NDUFAF2: variants seen among roughly 807,000 people sequenced by gnomAD.
NDUFAF2 encodes NADH:ubiquinone oxidoreductase complex assembly factor 2.
In NDUFAF2, 13 loss-of-function variants were observed where a neutral mutation model predicts 22.8. That is an observed-to-expected ratio of 0.57 (90% CI 0.37 to 0.91). The LOEUF is 0.91. NDUFAF2 is among the 40% of genes least tolerant of loss of function. NDUFAF2 has a pLI of 0.01. For synonymous variants in NDUFAF2, 53 were observed against 64.2 expected, an observed-to-expected ratio of 0.83 and a Z score of 0.84; for missense variants, 162 against 195.2, an observed-to-expected ratio of 0.83 and a Z score of 1.01.
intron 2 of NDUFAF2, among the ~76,000 whole-genome samples, chr5:61,096,450 T>A (rs1185437269): frequency 2.6e-5 from 4 of 151,586 alleles, no homozygotes; most frequent in Admixed American, 6.6e-5. Context: ...AATACAAAAA[T>A]TAGCTGGGCG....
At chr5:61,109,212 G>A (rs1752805338) in intron 3 of NDUFAF2, among the ~76,000 whole-genome samples, 2 of 152,164 alleles carry the variant, frequency 1.3e-5, no homozygotes, top group Non-Finnish European at 2.9e-5. Flanking sequence ...AGTTTTGTTT[G>A]TAGCTATTGT....
intron 1 of NDUFAF2, among the ~76,000 whole-genome samples, chr5:61,012,585 C>G (rs1434635611): frequency 6.6e-6 from 1 of 151,698 alleles, no homozygotes; most frequent in East Asian, 1.9e-4. Flanking sequence ...TTCCAAAATT[C>G]TGCTTAGTGT....
Position 61,023,469 on chromosome 5 carries a change from T to C in NDUFAF2, c.128-49656T>C, listed in dbSNP as rs1004880717. On this transcript the variant is annotated intron_variant, in intron 1 of 3. Coordinates refer to ENST00000296597, the MANE Select transcript of NDUFAF2 (RefSeq NM_174889.5). ...TCGTGATGGTTTCTTCAATTTATAA[T>C]TTTTTATTATGAGCTCATCTTTACT... Among the ~76,000 whole-genome samples, 4 of 152,152 alleles carry C rather than the reference T, an allele frequency of 2.6e-5. No individual in the cohort carries two copies. In the South Asian group the frequency reaches 8.3e-4, roughly 31 times the overall value.
At chr5:61,079,832 C>T (rs948212998) in intron 2 of NDUFAF2, among the ~76,000 whole-genome samples, 1 of 152,184 alleles carries the variant, frequency 6.6e-6, no homozygotes, top group African/African-American at 2.4e-5. Context: ...AGACTCCCAG[C>T]TCCATCTTCT....
chr5:60,945,486 T>A, intron 1 of NDUFAF2, 104 bp downstream of exon 1: 1 of 1,491,550 alleles, frequency 6.7e-7, no homozygotes, highest in Non-Finnish European at 9.3e-7. Context: ...ATGCGACACT[T>A]AGGGTGTCAC....
At chr5:60,986,651 C>G (rs1238640077) in intron 1 of NDUFAF2, among the ~76,000 whole-genome samples, 2 of 151,968 alleles carry the variant, frequency 1.3e-5, no homozygotes, top group African/African-American at 4.8e-5. Context: ...GAAAAACTGG[C>G]CAGGCATGGT....
At chr5:61,074,458 G>A (rs913177612) in intron 2 of NDUFAF2, among the ~76,000 whole-genome samples, 13 of 151,986 alleles carry the variant, frequency 8.6e-5, no homozygotes, top group Non-Finnish European at 1.8e-4. Flanking sequence ...ATGGTGGCAC[G>A]TGCCTGTAGT....
intron 1 of NDUFAF2, among the ~76,000 whole-genome samples, chr5:61,037,440 A>G (rs922155029): frequency 1.3e-5 from 2 of 152,190 alleles, no homozygotes; most frequent in African/African-American, 4.8e-5. Context: ...ATTTGAGGTC[A>G]TACTTTAGAA....
Position 60,990,396 on chromosome 5 carries a change from C to G in NDUFAF2, c.127+45014C>G, listed in dbSNP as rs1444198778. Among the ~76,000 whole-genome samples the G allele has an allele frequency of 2.6e-5, 4 of 151,570 alleles. No individual in the cohort carries two copies. The East Asian group carries it at 7.7e-4, about 29-fold the overall frequency. Reference sequence around the variant, plus strand: ...ATATGCCTGTATCAAAATATGTACCCCATAAATATATACACTTACTATGTA... The same window carrying G: ...ATATGCCTGTATCAAAATATGTACCGCATAAATATATACACTTACTATGTA... On this transcript the variant is annotated intron_variant, in intron 1 of 3. Transcript: ENST00000296597.
chr5:61,105,651 A>G lies in NDUFAF2; in HGVS notation c.258+6619A>G, dbSNP rs570070728. Among the ~76,000 whole-genome samples, 12 of 149,196 alleles carry G rather than the reference A, an allele frequency of 8.0e-5. No homozygotes were observed. The East Asian group carries it at 1.6e-3, about 19-fold the overall frequency. Reference sequence around the variant, plus strand: ...GAGCAAAAAAAAAAAAAAAGCAGCTACAGAAGATGTCATACAATATACCAT... The same window carrying G: ...GAGCAAAAAAAAAAAAAAAGCAGCTGCAGAAGATGTCATACAATATACCAT... On this transcript the variant is annotated intron_variant, in intron 3 of 3. Transcript: ENST00000296597.
At chr5:60,977,095 TA>T (rs1247701606) in intron 1 of NDUFAF2, among the ~76,000 whole-genome samples, 24 of 152,104 alleles carry the variant, frequency 1.6e-4, no homozygotes, top group African/African-American at 5.5e-4. Flanking sequence ...TGAGCAATAT[TA>T]AAAATTAATA....
chr5:61,002,661 T>A (rs1425189471), intron 1 of NDUFAF2, among the ~76,000 whole-genome samples: 1 of 152,186 alleles, frequency 6.6e-6, no homozygotes, highest in East Asian at 1.9e-4. Flanking sequence ...GATACAATGA[T>A]GCCAATATAA....
intron 2 of NDUFAF2, chr5:61,083,375 C>G (rs575386584): frequency 6.6e-6 from 1 of 152,004 alleles, no homozygotes; most frequent in Non-Finnish European, 1.5e-5. Context: ...GCCAGTTATC[C>G]CAGCACCATT....
intron 1 of NDUFAF2, among the ~76,000 whole-genome samples, chr5:60,954,971 ATT>A (rs1750596884): frequency 6.6e-6 from 1 of 152,110 alleles, no homozygotes; most frequent in Non-Finnish European, 1.5e-5. Flanking sequence ...TCACTGATAC[ATT>A]TTGGTTTTTA....
At position 61,045,072 on chromosome 5, in the gene NDUFAF2, T is replaced by TTAAATTTTAATAAAATAAAA. The variant is rs1258528445; in HGVS notation, c.128-28049_128-28048insTTTTAATAAAATAAAATAAA. On this transcript the variant is annotated intron_variant, in intron 1 of 3. Coordinates refer to ENST00000296597, the MANE Select transcript of NDUFAF2 (RefSeq NM_174889.5). ...TTTAATAAAGTAAAATAAAGTTTTATTAAAATTTAATAAAATAAAATAAAG... is the reference window on the plus strand; with the variant it reads ...TTTAATAAAGTAAAATAAAGTTTTATTAAATTTTAATAAAATAAAATAAAATTTAATAAAATAAAATAAAG... Among the ~76,000 whole-genome samples, 15 of 116,284 alleles carry TTAAATTTTAATAAAATAAAA rather than the reference T, an allele frequency of 1.3e-4. 1 individual carries two copies. Among genetic ancestry groups the TTAAATTTTAATAAAATAAAA allele is most frequent in the Non-Finnish European group, 2.0e-4 (11 of 55,120 alleles). The allele number at this position is 116,284 out of a possible 152,430, so 76.3% of individuals were successfully genotyped here.
At chr5:60,948,388 A>G (rs1431157104) in intron 1 of NDUFAF2, among the ~76,000 whole-genome samples, 1 of 151,932 alleles carries the variant, frequency 6.6e-6, no homozygotes, top group Non-Finnish European at 1.5e-5. Context: ...AACTTTTTGT[A>G]TCTTTAGTAG....
At chr5:61,056,808 G>T (rs1326940467) in intron 1 of NDUFAF2, among the ~76,000 whole-genome samples, 1 of 142,208 alleles carries the variant, frequency 7.0e-6, no homozygotes, top group East Asian at 2.1e-4. Flanking sequence ...AGAATCGCTT[G>T]AACCAAGGAG....
chr5:61,102,709 A>G (rs1278606241), intron 3 of NDUFAF2, among the ~76,000 whole-genome samples: 1 of 152,130 alleles, frequency 6.6e-6, no homozygotes, highest in African/African-American at 2.4e-5. Context: ...GGAAATCAAA[A>G]GACTAGGAGA....
At chr5:61,052,960 C>T (rs1289142982) in intron 1 of NDUFAF2, among the ~76,000 whole-genome samples, 1 of 152,180 alleles carries the variant, frequency 6.6e-6, no homozygotes, top group East Asian at 1.9e-4. Context: ...TTTAGCAGCT[C>T]CATTTGAAAT....
Sources: gnomAD v4.1 joint callset for allele counts (sites outside exome capture counted in the v4.1 genomes callset) on GRCh38, gnomAD v4.1.1 for gene constraint, MANE v1.5 for transcripts, NCBI Gene and HGNC (gene_info 2026-07-23, HGNC 2026-07-21) for gene names.